FMN2: variants seen among roughly 807,000 people sequenced by gnomAD.
The protein encoded by FMN2 is formin 2.
A neutral mutation model predicts 142.3 loss-of-function variants in FMN2; 51 were observed. That is an observed-to-expected ratio of 0.36 (90% CI 0.29 to 0.45). The LOEUF is 0.45. FMN2 is among the 20% of genes least tolerant of loss of function. The pLI is 1.00. For synonymous variants in FMN2, 882 were observed against 869.8 expected, an observed-to-expected ratio of 1.01 and a Z score of -0.25; for missense variants, 1,936 against 2,122.8, an observed-to-expected ratio of 0.91 and a Z score of 1.73.
intron 1 of FMN2, among the ~76,000 whole-genome samples, chr1:240,102,504 C>A (rs891366699): frequency 1.3e-5 from 2 of 151,780 alleles, no homozygotes; most frequent in Non-Finnish European, 2.9e-5. Context: ...CCAATACTTG[C>A]CTGTTTGGAG....
intron 13 of FMN2, among the ~76,000 whole-genome samples, chr1:240,346,895 T>G (rs1671927139): frequency 6.6e-6 from 1 of 152,210 alleles, no homozygotes; most frequent in African/African-American, 2.4e-5. Flanking sequence ...TTTAAGACTT[T>G]ATATATTTGC....
chr1:240,347,581 T>C (rs1045837886), intron 13 of FMN2, among the ~76,000 whole-genome samples: 2 of 152,148 alleles, frequency 1.3e-5, no homozygotes, highest in African/African-American at 4.8e-5. Context: ...GAATCGGGGG[T>C]ACATGTGCCT....
chr1:240,143,039 C>T, intron 2 of FMN2: 1 of 1,495,794 alleles, frequency 6.7e-7, no homozygotes, highest in Non-Finnish European at 9.3e-7. Flanking sequence ...TCATAAGCTG[C>T]CAGTCACTGT....
chr1:240,091,994 T>C lies in FMN2; in HGVS notation c.-116T>C, dbSNP rs1660986768. 1 of 1,373,162 alleles carries C rather than the reference T, an allele frequency of 7.3e-7. No homozygotes were observed. 85.1% of individuals were successfully genotyped at this position (1,373,162 alleles called of 1,614,324 possible). A position where few individuals can be genotyped will look rare whatever the true frequency, so the allele number is the denominator to read the frequency against. Reference sequence around the variant, plus strand: ...CGCGTCGGCCTCCCCTCCCAGCGGCTCCCCCCGCCGCCGCCTGACTCTCCC... The same window carrying C: ...CGCGTCGGCCTCCCCTCCCAGCGGCCCCCCCCGCCGCCGCCTGACTCTCCC... On this transcript the variant is annotated 5_prime_UTR_variant, in exon 1 of 18. Transcript: ENST00000319653.
rs774920894 is a variant in FMN2 at position 240,207,774 on chromosome 1, C to T, written c.2962C>T (p.Pro988Ser). 2.1e-6 allele frequency: 3 copies of T among 1,412,488 alleles called. No individual in the cohort carries two copies. In the East Asian group the frequency reaches 7.1e-5, roughly 33 times the overall value. The allele number at this position is 1,412,488 out of a possible 1,614,324, so 87.5% of individuals were successfully genotyped here. Residue 988 changes from proline (P) to serine (S), a missense_variant, in exon 5 of 18, where the codon CCT becomes TCT. Pro to Ser is a moderately conservative substitution (Grantham distance 74, BLOSUM62 -1). Around this residue, in one of 8 missense-constraint regions of FMN2, gnomAD observed 63 missense variants for 86.3 expected, o/e 0.73. Transcript: ENST00000319653. ...PPPLPGAGIP[P>S]PPPLPGAGIP... ...CCCTCTACCCGGAGCGGGCATACCC[C>T]CTCCTCCCCCACTTCCCGGAGCGGG...
Position 240,307,999 on chromosome 1 carries a change from T to G in FMN2, c.4215+13116T>G, listed in dbSNP as rs540552918. ...ATTAATTAATTAATTATTGTGGCTATTAGGTACATTATAGTTTTTAAAATA... is the reference window on the plus strand; with the variant it reads ...ATTAATTAATTAATTATTGTGGCTAGTAGGTACATTATAGTTTTTAAAATA... On this transcript the variant is annotated intron_variant, in intron 8 of 17. Coordinates refer to ENST00000319653, the MANE Select transcript of FMN2 (RefSeq NM_020066.5). 1.7e-4 allele frequency among the ~76,000 whole-genome samples: 24 copies of G among 137,978 alleles called. 1 individual carries two copies. The South Asian group carries it at 4.2e-3, about 24-fold the overall frequency. 90.5% of individuals were successfully genotyped at this position (137,978 alleles called of 152,430 possible). A position where few individuals can be genotyped will look rare whatever the true frequency, so the allele number is the denominator to read the frequency against.
intron 6 of FMN2, among the ~76,000 whole-genome samples, chr1:240,242,677 T>C (rs994144206): frequency 7.9e-5 from 12 of 152,228 alleles, no homozygotes; most frequent in East Asian, 1.9e-4. Context: ...CTTGGTAACC[T>C]TACCAAATTC....
chr1:240,173,421 A>C (rs959557559), intron 2 of FMN2, among the ~76,000 whole-genome samples: 8 of 152,198 alleles, frequency 5.3e-5, no homozygotes, highest in Non-Finnish European at 8.8e-5. Flanking sequence ...ATGTGGGGTG[A>C]CAGGTGTGCT....
chr1:240,250,349 A>G (rs899553168), intron 6 of FMN2, among the ~76,000 whole-genome samples: 2 of 152,146 alleles, frequency 1.3e-5, no homozygotes, highest in African/African-American at 4.8e-5. Context: ...TGAGATGATC[A>G]TATGGCTTTT....
At chr1:240,230,225 G>T (rs1216275935) in intron 6 of FMN2, among the ~76,000 whole-genome samples, 1 of 129,760 alleles carries the variant, frequency 7.7e-6, no homozygotes, top group Non-Finnish European at 1.6e-5. Context: ...TGCTTGAGAG[G>T]CTGAGGCAGG....
chr1:240,209,630 T>A (rs61829163), intron 5 of FMN2, among the ~76,000 whole-genome samples: 1 of 150,886 alleles, frequency 6.6e-6, no homozygotes, highest in Non-Finnish European at 1.5e-5. Flanking sequence ...CCTGTCCGGG[T>A]GCGGTGGCTC....
chr1:240,176,746 T>G (rs1238009993), intron 2 of FMN2, among the ~76,000 whole-genome samples: 1 of 152,218 alleles, frequency 6.6e-6, no homozygotes, highest in Non-Finnish European at 1.5e-5. Context: ...CGAGATAGGA[T>G]AGCTGGAAGA....
intron 7 of FMN2, among the ~76,000 whole-genome samples, chr1:240,288,810 C>T (rs1310323472): frequency 6.6e-6 from 1 of 152,100 alleles, no homozygotes; most frequent in Non-Finnish European, 1.5e-5. Context: ...CTGAGTCAGA[C>T]TTCCAGCCAA....
At chr1:240,377,027 T>C (rs184508005) in intron 14 of FMN2, among the ~76,000 whole-genome samples, 1 of 152,312 alleles carries the variant, frequency 6.6e-6, no homozygotes, top group East Asian at 1.9e-4. Context: ...CAAAACAATA[T>C]ATTGCTCCTA....
At chr1:240,208,764 T>C (rs1666559348) in intron 5 of FMN2, 32 bp downstream of exon 5, 3 of 1,571,584 alleles carry the variant, frequency 1.9e-6, no homozygotes, top group Non-Finnish European at 2.6e-6. Context: ...CTTTGCACAG[T>C]GTGTGTCAGT....
intron 2 of FMN2, among the ~76,000 whole-genome samples, chr1:240,154,115 A>G (rs1289194963): frequency 2.1e-5 from 3 of 144,450 alleles, no homozygotes; most frequent in Non-Finnish European, 4.6e-5. Context: ...ATCAAAAAAA[A>G]AAAAAAAAAA....
At chr1:240,158,237 A>G (rs1389069257) in intron 2 of FMN2, among the ~76,000 whole-genome samples, 4 of 152,000 alleles carry the variant, frequency 2.6e-5, no homozygotes, top group Admixed American at 2.6e-4. Context: ...CCAAAAAGAA[A>G]ACCACTGGTT....
chr1:240,192,243 CAGAT>C (rs1665727262), intron 4 of FMN2, among the ~76,000 whole-genome samples: 1 of 152,104 alleles, frequency 6.6e-6, no homozygotes, highest in Non-Finnish European at 1.5e-5. Flanking sequence ...GTCAAGGAAA[CAGAT>C]GGAGTAATGT....
intron 3 of FMN2, chr1:240,180,205 C>T (rs1157962459): frequency 1.6e-6 from 2 of 1,271,148 alleles, no homozygotes; most frequent in Admixed American, 2.4e-5. Flanking sequence ...AACTTAGTGA[C>T]TTATTTTTCT....
Sources: allele counts gnomAD v4.1 joint callset (sites outside exome capture counted in the v4.1 genomes callset), GRCh38; gene constraint gnomAD v4.1.1; regional missense constraint gnomAD v4.1.1; transcripts MANE v1.5; gene names NCBI Gene and HGNC (gene_info 2026-07-23, HGNC 2026-07-21).